The following QRSL1 variants were observed in gnomAD, a reference collection of about 807,000 sequenced individuals.
QRSL1 encodes glutaminyl-tRNA amidotransferase subunit QRSL1.
A neutral mutation model predicts 61.6 loss-of-function variants in QRSL1; 54 were observed. The observed-to-expected ratio is 0.88, with a 90% CI of 0.70 to 1.10. QRSL1 has a LOEUF of 1.10. Ranked by LOEUF, QRSL1 falls within the 50% of genes least tolerant of loss-of-function variation. QRSL1 has a pLI of 0.00. For synonymous variants in QRSL1, 228 were observed against 225.7 expected, an observed-to-expected ratio of 1.01 and a Z score of -0.09; for missense variants, 505 against 622.6, an observed-to-expected ratio of 0.81 and a Z score of 2.01.
At chr6:106,654,211 G>A (rs1445061051) in intron 7 of QRSL1, among the ~76,000 whole-genome samples, 4 of 152,130 alleles carry the variant, frequency 2.6e-5, no homozygotes, top group Admixed American at 1.3e-4. Flanking sequence ...TTAGCCGGGC[G>A]TGGCTGTGGG....
intron 7 of QRSL1, 107 bp from the exon 8 acceptor site, chr6:106,654,623 G>A: frequency 1.1e-6 from 1 of 939,080 alleles, no homozygotes; most frequent in Non-Finnish European, 1.6e-6. Context: ...TATTACCAAA[G>A]GTCCTGAAGT....
At chr6:106,635,872 A>C (rs965000212) in intron 1 of QRSL1, among the ~76,000 whole-genome samples, 3 of 147,696 alleles carry the variant, frequency 2.0e-5, no homozygotes, top group African/African-American at 7.4e-5. Context: ...CTCCATTTCA[A>C]AAAAAAAAAA....
At chr6:106,654,656 A>C in intron 7 of QRSL1, 74 bp from the exon 8 acceptor site, 1 of 1,283,142 alleles carries the variant, frequency 7.8e-7, no homozygotes, top group Non-Finnish European at 1.1e-6. Context: ...AAAATCATCT[A>C]TACAGATGAA....
rs1274873051 is a variant in QRSL1 at position 106,629,656 on chromosome 6, G to C, written c.-26G>C. The C allele has an allele frequency of 6.3e-7, 1 of 1,599,652 alleles. No homozygotes were observed. Among genetic ancestry groups the C allele is most frequent in the Middle Eastern group, 1.7e-4 (1 of 6,006 alleles). On this transcript the variant is annotated 5_prime_UTR_variant, in exon 1 of 11. Coordinates refer to ENST00000369046, the MANE Select transcript of QRSL1 (RefSeq NM_018292.5). ...TCTTTTTCCCCCTTGCCTGGCTCCT[G>C]TGGTGGCAGGCTGGGCACGAGGACC...
At chr6:106,654,629 GAAGTACAGATTTTTATAA>G (rs924549846) in intron 7 of QRSL1, 83 bp from the exon 8 acceptor site, 3 of 1,036,618 alleles carry the variant, frequency 2.9e-6, no homozygotes, top group Non-Finnish European at 4.2e-6. Context: ...CAAAGGTCCT[GAAGTACAGATTTTTATAA>G]AATCATCTAT....
In QRSL1 at chr6:106,652,063, A is replaced by G. The variant is rs1163630310; in HGVS notation, c.558-146A>G. 8.7e-6 allele frequency: 7 copies of G among 808,024 alleles called. No homozygotes were observed. The South Asian group carries it at 1.3e-4, about 15-fold the overall frequency. The allele number at this position is 808,024 out of a possible 1,614,324, so 50.1% of individuals were successfully genotyped here. On this transcript the variant is annotated intron_variant, in intron 5 of 10. Transcript: ENST00000369046. ...ATATTGAGTACCTAAAGTTTTCTGT[A>G]CTTTATGAATTCTCTGAGATGAACA...
intron 1 of QRSL1, among the ~76,000 whole-genome samples, chr6:106,639,581 T>C (rs1776985382): frequency 6.6e-6 from 1 of 152,206 alleles, no homozygotes; most frequent in African/African-American, 2.4e-5. Context: ...TCTCCAAAGT[T>C]TTGGTGTCAT....
chr6:106,640,954 T>G, intron 3 of QRSL1, 33 bp downstream of exon 3: 1 of 1,495,538 alleles, frequency 6.7e-7, no homozygotes, highest in African/African-American at 1.4e-5. Context: ...ATTGATAATT[T>G]TATAAAAATA....
chr6:106,631,263 C>G (rs1398115366), intron 1 of QRSL1, among the ~76,000 whole-genome samples: 5 of 152,124 alleles, frequency 3.3e-5, no homozygotes, highest in African/African-American at 1.2e-4. Context: ...AATAAACAGA[C>G]AACACCCAAA....
At chr6:106,647,027 CAAAAAAAAAAAAA>C (rs57402820) in intron 4 of QRSL1, among the ~76,000 whole-genome samples, 16 of 81,438 alleles carry the variant, frequency 2.0e-4, no homozygotes, top group Non-Finnish European at 2.1e-4. Context: ...GACTCCTTCT[CAAAAAAAAAAAAA>C]AAAAAAAAAA....
intron 9 of QRSL1, among the ~76,000 whole-genome samples, chr6:106,661,873 G>A (rs1360631124): frequency 6.6e-6 from 1 of 151,498 alleles, no homozygotes; most frequent in African/African-American, 2.4e-5. Flanking sequence ...CACCACGCCC[G>A]GCTAATTTGG....
intron 1 of QRSL1, among the ~76,000 whole-genome samples, chr6:106,638,533 A>G (rs1319567345): frequency 6.6e-6 from 1 of 152,042 alleles, no homozygotes; most frequent in Non-Finnish European, 1.5e-5. Flanking sequence ...TGAACTCCCA[A>G]CCTCAGGTGG....
rs1005746655 is a variant in QRSL1, at chr6:106,666,603, G to A, written c.*601G>A. On this transcript the variant is annotated 3_prime_UTR_variant, in exon 11 of 11. Coordinates refer to ENST00000369046, the MANE Select transcript of QRSL1 (RefSeq NM_018292.5). The stretch of plus-strand genomic sequence containing the variant: ...AGTTTACAGTAAAAATAAGATTAGG[G>A]ATAAACTTCTCAAAAATTGTACATC... 2.0e-5 allele frequency: 3 copies of A among 153,642 alleles called. No homozygotes were observed. Among genetic ancestry groups the A allele is most frequent in the Admixed American group, 1.3e-4 (2 of 15,586 alleles). 9.5% of individuals were successfully genotyped at this position (153,642 alleles called of 1,614,324 possible).
At chr6:106,643,951 A>G (rs1253746351) in intron 4 of QRSL1, among the ~76,000 whole-genome samples, 2 of 149,458 alleles carry the variant, frequency 1.3e-5, no homozygotes, top group African/African-American at 4.9e-5. Flanking sequence ...GGCTCGCTGC[A>G]GCCTCCGCCT....
At chr6:106,647,448 G>T (rs1777125975) in intron 4 of QRSL1, among the ~76,000 whole-genome samples, 2 of 150,680 alleles carry the variant, frequency 1.3e-5, no homozygotes, top group African/African-American at 2.4e-5. Context: ...TACTCGAGAG[G>T]CATGAGAATC....
At chr6:106,641,965 A>G (rs13200233) in intron 3 of QRSL1, among the ~76,000 whole-genome samples, 51,382 of 152,136 alleles carry the variant, frequency 0.34, 9,275 homozygotes, top group Non-Finnish European at 0.41. Flanking sequence ...ACTGGAAGGA[A>G]GTACAACTGA....
At position 106,652,523 on chromosome 6, in the gene QRSL1, A is replaced by G; in HGVS notation, c.790A>G (p.Lys264Glu). ...DSTTVHEPIN[K>E]PFMLPSLADV... ...TACCACAGTACATGAACCTATTAAT[A>G]AACCATTCATGCTTCCCAGTTTGGC... is the stretch of plus-strand genomic sequence containing the variant. Residue 264 changes from lysine to glutamate, a missense_variant, in exon 7 of 11, where the codon AAA becomes GAA. Transcript: ENST00000369046. 6.2e-7 allele frequency: 1 copy of G among 1,614,218 alleles called. No individual in the cohort carries two copies.
At position 106,634,482 on chromosome 6, in the gene QRSL1, A is replaced by C. The variant is rs140150184; in HGVS notation, c.24+4777A>C. Among the ~76,000 whole-genome samples the C allele has an allele frequency of 3.4e-3, 511 of 152,324 alleles. 5 individuals carry two copies. Among genetic ancestry groups the C allele is most frequent in the African/African-American group, 0.012 (479 of 41,576 alleles). On this transcript the variant is annotated intron_variant, in intron 1 of 10. Coordinates refer to ENST00000369046, the MANE Select transcript of QRSL1 (RefSeq NM_018292.5). Reference sequence around the variant, plus strand: ...GAAAAGCAAGTAATAAAGCACAAAGACTGACCGGGTGCAATGGCTCACGCC... The same window carrying C: ...GAAAAGCAAGTAATAAAGCACAAAGCCTGACCGGGTGCAATGGCTCACGCC...
intron 1 of QRSL1, among the ~76,000 whole-genome samples, chr6:106,637,091 G>T (rs1260379263): frequency 6.6e-6 from 1 of 152,170 alleles, no homozygotes; most frequent in Non-Finnish European, 1.5e-5. Flanking sequence ...GTTCCATCTG[G>T]AGCTCCAGCC....
Sources: allele counts gnomAD v4.1 joint callset (sites outside exome capture counted in the v4.1 genomes callset), GRCh38; gene constraint gnomAD v4.1.1; transcripts MANE v1.5; gene names NCBI Gene and HGNC (gene_info 2026-07-23, HGNC 2026-07-21).